The following GPC5 variants were observed in gnomAD, a reference collection of about 807,000 sequenced individuals.
The protein encoded by GPC5 is glypican 5.
In GPC5, 47 loss-of-function variants were observed where a neutral mutation model predicts 53.9. That is an observed-to-expected ratio of 0.87 (90% CI 0.69 to 1.11). The LOEUF is 1.11. Among genes scored for constraint, GPC5 ranks in the 50% most tolerant of loss-of-function variants. The pLI, the probability that GPC5 is intolerant of heterozygous loss-of-function variation, is 0.00. For missense variants in GPC5, 748 were observed against 713.1 expected (o/e 1.05, Z -0.56); for synonymous variants, 286 against 263.3 (o/e 1.09, Z -0.84).
chr13:92,813,919 G>T (rs868443197), intron 7 of GPC5, among the ~76,000 whole-genome samples: 1 of 151,956 alleles, frequency 6.6e-6, no homozygotes, highest in African/African-American at 2.4e-5. Context: ...AAATGCAAAG[G>T]ATCTAGAATA....
intron 6 of GPC5, among the ~76,000 whole-genome samples, chr13:92,077,769 A>G (rs1404642390): frequency 6.6e-6 from 1 of 152,140 alleles, no homozygotes; most frequent in Admixed American, 6.6e-5. Context: ...TTGAGGAGAA[A>G]CTGTCCTTTA....
At chr13:91,812,127 C>G (rs1450638265) in intron 5 of GPC5, among the ~76,000 whole-genome samples, 1 of 152,164 alleles carries the variant, frequency 6.6e-6, no homozygotes, top group South Asian at 2.1e-4. Context: ...AAGGTCTGAA[C>G]TTTCATTGAA....
intron 1 of GPC5, among the ~76,000 whole-genome samples, chr13:91,410,339 C>CTTTTTTT (rs66787310): frequency 2.2e-5 from 2 of 89,838 alleles, no homozygotes; most frequent in African/African-American, 4.3e-5. Flanking sequence ...CGTTTCCATT[C>CTTTTTTT]TTTTTTTTTT....
At chr13:92,258,892 A>G (rs1453365006) in intron 7 of GPC5, among the ~76,000 whole-genome samples, 1 of 152,188 alleles carries the variant, frequency 6.6e-6, no homozygotes, top group Non-Finnish European at 1.5e-5. Flanking sequence ...GCAGTGTACT[A>G]TGATCATGCC....
intron 7 of GPC5, among the ~76,000 whole-genome samples, chr13:92,269,415 G>GT (rs199529608): frequency 0.059 from 8,871 of 150,480 alleles, 291 homozygotes; most frequent in African/African-American, 0.079. Flanking sequence ...GTTTTGTTTT[G>GT]TTTTTTTTGA....
At chr13:92,661,856 C>T (rs1216267201) in intron 7 of GPC5, among the ~76,000 whole-genome samples, 1 of 152,100 alleles carries the variant, frequency 6.6e-6, no homozygotes, top group African/African-American at 2.4e-5. Flanking sequence ...TTCTCCTCTA[C>T]CTCTTCCTAT....
chr13:92,012,392 T>C (rs1286212364), intron 6 of GPC5, among the ~76,000 whole-genome samples: 1 of 152,206 alleles, frequency 6.6e-6, no homozygotes, highest in Non-Finnish European at 1.5e-5. Context: ...CTCTTGTTAC[T>C]TTTAACTTAA....
rs540667266 is a variant in GPC5 at position 92,641,003 on chromosome 13, G to T, written c.1562-225279G>T. 6.6e-5 allele frequency among the ~76,000 whole-genome samples: 10 copies of T among 152,074 alleles called. No homozygotes were observed. The South Asian group carries it at 1.3e-3, about 19-fold the overall frequency. On this transcript the variant is annotated intron_variant, in intron 7 of 7. Transcript: ENST00000377067. ...CGGGGGAGGGGAGGATGGGGGTGGC[G>T]AATACCATTTGCAACCATGGTGGTA...
At chr13:91,490,793 T>C (rs1350536475) in intron 2 of GPC5, among the ~76,000 whole-genome samples, 1 of 152,236 alleles carries the variant, frequency 6.6e-6, no homozygotes, top group Non-Finnish European at 1.5e-5. Context: ...CTTTCTTCTT[T>C]GCTGCTTCTT....
chr13:91,558,706 T>C (rs1418093861), intron 2 of GPC5, among the ~76,000 whole-genome samples: 1 of 152,070 alleles, frequency 6.6e-6, no homozygotes, highest in African/African-American at 2.4e-5. Context: ...AGAGATACGT[T>C]GAGACTGTTG....
At chr13:92,792,005 G>T (rs1256491999) in intron 7 of GPC5, among the ~76,000 whole-genome samples, 1 of 152,012 alleles carries the variant, frequency 6.6e-6, no homozygotes, top group Non-Finnish European at 1.5e-5. Flanking sequence ...TGTTTGCAAA[G>T]AATAGAAAGC....
At chr13:92,604,014 T>A (rs1449157683) in intron 7 of GPC5, among the ~76,000 whole-genome samples, 1 of 152,212 alleles carries the variant, frequency 6.6e-6, no homozygotes, top group Non-Finnish European at 1.5e-5. Context: ...CTTACCTACG[T>A]GCTCAAAAAG....
chr13:91,736,402 T>C (rs1312530169), intron 4 of GPC5, among the ~76,000 whole-genome samples: 1 of 151,432 alleles, frequency 6.6e-6, no homozygotes, highest in Non-Finnish European at 1.5e-5. Context: ...GTCAAAATTT[T>C]CGTGAAAGCT....
At position 91,693,313 on chromosome 13, in the gene GPC5, ATT is replaced by A. The variant is rs764493486; in HGVS notation, c.454_455del (p.Leu152IlefsTer6). The A allele has an allele frequency of 6.2e-7, 1 of 1,614,044 alleles. No homozygotes were observed. Among genetic ancestry groups the A allele is most frequent in the South Asian group, 1.1e-5 (1 of 91,074 alleles). On this transcript the variant is annotated frameshift_variant, in exon 3 of 8. Transcript: ENST00000377067. LOFTEE classifies it high-confidence loss of function. ...GAGTTCTTCACTGATGTGGGGCTGTATTTATTTGGTGCGGATGTTAATCCTGA... is the reference window on the plus strand; with the variant it reads ...GAGTTCTTCACTGATGTGGGGCTGTATATTTGGTGCGGATGTTAATCCTGA...
At chr13:91,577,664 G>GA (rs1043232324) in intron 2 of GPC5, among the ~76,000 whole-genome samples, 4 of 152,014 alleles carry the variant, frequency 2.6e-5, no homozygotes, top group Non-Finnish European at 4.4e-5. Flanking sequence ...TGGTCATAAA[G>GA]AAAAAAATGG....
At chr13:92,063,123 G>A (rs1323827001) in intron 6 of GPC5, among the ~76,000 whole-genome samples, 1 of 152,080 alleles carries the variant, frequency 6.6e-6, no homozygotes, top group Non-Finnish European at 1.5e-5. Flanking sequence ...GACTTAAACA[G>A]AATACACCAA....
intron 7 of GPC5, among the ~76,000 whole-genome samples, chr13:92,204,218 C>T (rs564401010): frequency 6.6e-5 from 10 of 152,154 alleles, no homozygotes; most frequent in African/African-American, 2.4e-4. Context: ...AAATAAATGG[C>T]AATTGAAAGG....
chr13:92,128,118 T>C (rs897109302), intron 6 of GPC5, among the ~76,000 whole-genome samples: 4 of 152,178 alleles, frequency 2.6e-5, no homozygotes, highest in Non-Finnish European at 4.4e-5. Flanking sequence ...ACTCAGCTTT[T>C]CCCTATTCTT....
At chr13:92,357,020 A>G (rs2043528074) in intron 7 of GPC5, among the ~76,000 whole-genome samples, 1 of 148,088 alleles carries the variant, frequency 6.8e-6, no homozygotes, top group Non-Finnish European at 1.5e-5. Context: ...CTTCAACTCC[A>G]TCCATGTTCC....
Sources: gnomAD v4.1 joint callset for allele counts (sites outside exome capture counted in the v4.1 genomes callset) on GRCh38, gnomAD v4.1.1 for gene constraint, MANE v1.5 for transcripts, NCBI Gene and HGNC (gene_info 2026-07-23, HGNC 2026-07-21) for gene names.